The following STX7 variants were observed in gnomAD, a reference collection of about 807,000 sequenced individuals.
STX7 encodes syntaxin 7.
STX7 carries 34 observed loss-of-function variants against 39.6 expected under a neutral mutation model. The observed-to-expected ratio is 0.86, with a 90% CI of 0.65 to 1.14. STX7 has a LOEUF of 1.14. Among genes scored for constraint, STX7 ranks in the 50% most tolerant of loss-of-function variants. The pLI is 0.00. For missense variants in STX7, 284 were observed against 310.4 expected, an observed-to-expected ratio of 0.92 and a Z score of 0.64; for synonymous variants, 119 against 99.1, an observed-to-expected ratio of 1.20 and a Z score of -1.19.
rs1010613172 is a variant in STX7 at position 132,450,950 on chromosome 6, C to G, written c.*9808G>C. On this transcript the variant is annotated 3_prime_UTR_variant, in exon 10 of 10. Transcript: ENST00000367941. ...GAAGACCTCAAATATAATAAACCCCCCAAATCTACAAGATACATCATGGTT... is the reference window on the plus strand; with the variant it reads ...GAAGACCTCAAATATAATAAACCCCGCAAATCTACAAGATACATCATGGTT... 5.3e-5 allele frequency: 8 copies of G among 151,500 alleles called. No individual in the cohort carries two copies. The highest frequency in any genetic ancestry group is 2.0e-4 in the Admixed American group (3 of 15,194). 9.4% of individuals were successfully genotyped at this position (151,500 alleles called of 1,614,324 possible).
rs375342543 is a variant in STX7, at chr6:132,463,950, C to A, written c.693+43G>T. ...CAACACAAACACACACACACACATACGAAAAGGATAAGTTATAAGAAAATT... is the reference window on the plus strand; with the variant it reads ...CAACACAAACACACACACACACATAAGAAAAGGATAAGTTATAAGAAAATT... On this transcript the variant is annotated intron_variant, in intron 9 of 9. Coordinates refer to ENST00000367941, the MANE Select transcript of STX7 (RefSeq NM_003569.3). 11 of 1,581,590 alleles carry A rather than the reference C, an allele frequency of 7.0e-6. No homozygotes were observed. The South Asian group carries it at 1.1e-4, about 16-fold the overall frequency.
chr6:132,509,187 C>T lies in STX7; in HGVS notation c.-59+3820G>A, dbSNP rs541874214. 9.2e-5 allele frequency among the ~76,000 whole-genome samples: 14 copies of T among 152,156 alleles called. No homozygotes were observed. In the South Asian group the frequency reaches 1.7e-3, roughly 18 times the overall value. ...AGAAAAACCAAATTTGGGCTGGGCG[C>T]GGTGGCTCACGCCTGTAATCCCGGA... is the stretch of plus-strand genomic sequence containing the variant. On this transcript the variant is annotated intron_variant, in intron 1 of 9. Coordinates refer to ENST00000367941, the MANE Select transcript of STX7 (RefSeq NM_003569.3).
chr6:132,475,783 A>ACTTTGTTT (rs11274894), intron 2 of STX7, 121 bp from the exon 3 acceptor site: 11 of 526,658 alleles, frequency 2.1e-5, no homozygotes, highest in South Asian at 3.9e-5. Flanking sequence ...AAAGATGAAA[A>ACTTTGTTT]TAGAAAATAT....
At chr6:132,504,515 C>T (rs552801010) in intron 1 of STX7, among the ~76,000 whole-genome samples, 7 of 152,118 alleles carry the variant, frequency 4.6e-5, no homozygotes, top group Non-Finnish European at 8.8e-5. Context: ...TTTCAACTAC[C>T]GCCACCCCAT....
At position 132,455,017 on chromosome 6, in the gene STX7, A is replaced by G. The variant is rs2114328069; in HGVS notation, c.*5741T>C. On this transcript the variant is annotated 3_prime_UTR_variant, in exon 10 of 10. Transcript: ENST00000367941. ...CTCGAAATGAACTCAAAACGACCAC[A>G]GTACCTAGGTTTGAGATAAGAATGA... 6.6e-6 allele frequency: 1 copy of G among 152,318 alleles called. No individual in the cohort carries two copies. The highest frequency in any genetic ancestry group is 2.1e-4 in the South Asian group (1 of 4,828). 9.4% of individuals were successfully genotyped at this position (152,318 alleles called of 1,614,324 possible). A position where few individuals can be genotyped will look rare whatever the true frequency, so the allele number is the denominator to read the frequency against.
intron 2 of STX7, among the ~76,000 whole-genome samples, chr6:132,493,156 T>C (rs1251905877): frequency 6.6e-6 from 1 of 152,110 alleles, no homozygotes; most frequent in Non-Finnish European, 1.5e-5. Flanking sequence ...TAACTTCAAA[T>C]AATGATAATG....
chr6:132,500,958 G>T (rs1775543584), intron 2 of STX7, among the ~76,000 whole-genome samples: 1 of 152,092 alleles, frequency 6.6e-6, no homozygotes, highest in Non-Finnish European at 1.5e-5. Context: ...ATTTGTGGAG[G>T]CCCCTATGTT....
At chr6:132,496,597 T>C (rs935162060) in intron 2 of STX7, among the ~76,000 whole-genome samples, 7 of 152,260 alleles carry the variant, frequency 4.6e-5, no homozygotes, top group South Asian at 4.1e-4. Flanking sequence ...TAACAAAACA[T>C]AGAATAATCT....
rs1774264700 is a variant in STX7, at chr6:132,457,233, GA to G, written c.*3524del. 1 of 152,186 alleles carries G rather than the reference GA, an allele frequency of 6.6e-6. No homozygotes were observed. Among genetic ancestry groups the G allele is most frequent in the South Asian group, 2.1e-4 (1 of 4,830 alleles). 9.4% of individuals were successfully genotyped at this position (152,186 alleles called of 1,614,324 possible). A position where few individuals can be genotyped will look rare whatever the true frequency, so the allele number is the denominator to read the frequency against. ...TCAAGTGGTTTCTGTTTTTCTAACT[GA>G]ATTGTTAAAATATGCAAAATTCACA... is the stretch of plus-strand genomic sequence containing the variant. On this transcript the variant is annotated 3_prime_UTR_variant, in exon 10 of 10. Coordinates refer to ENST00000367941, the MANE Select transcript of STX7 (RefSeq NM_003569.3).
intron 8 of STX7, 117 bp downstream of exon 8, chr6:132,468,286 G>A: frequency 1.3e-6 from 1 of 748,212 alleles, no homozygotes; most frequent in Non-Finnish European, 2.3e-6. Flanking sequence ...CCATGCTTTT[G>A]GTTCCAGGGA....
intron 2 of STX7, among the ~76,000 whole-genome samples, chr6:132,502,696 G>A (rs1240322038): frequency 2.6e-5 from 4 of 151,926 alleles, no homozygotes; most frequent in Admixed American, 2.0e-4. Context: ...TCAGGAGATC[G>A]AGACCATCCT....
intron 3 of STX7, among the ~76,000 whole-genome samples, 197 bp from the exon 4 acceptor site, chr6:132,472,572 C>G (rs2114381785): frequency 6.6e-6 from 1 of 152,286 alleles, no homozygotes; most frequent in South Asian, 2.1e-4. Flanking sequence ...ATGTCAGGTT[C>G]TTCACTCACA....
intron 2 of STX7, among the ~76,000 whole-genome samples, chr6:132,501,456 C>A (rs1775556976): frequency 6.6e-6 from 1 of 152,190 alleles, no homozygotes; most frequent in African/African-American, 2.4e-5. Flanking sequence ...GCACACTTAG[C>A]TACCAACCTG....
chr6:132,482,969 A>G (rs1775047622), intron 2 of STX7, among the ~76,000 whole-genome samples: 2 of 151,732 alleles, frequency 1.3e-5, no homozygotes, highest in African/African-American at 4.9e-5. Context: ...TAAAGGGTTA[A>G]CAAAAAAGAA....
intron 2 of STX7, among the ~76,000 whole-genome samples, chr6:132,502,133 G>C (rs1180389934): frequency 6.6e-6 from 1 of 152,210 alleles, no homozygotes; most frequent in African/African-American, 2.4e-5. Flanking sequence ...ACTGTGCACA[G>C]CAGCACCTTT....
chr6:132,500,011 C>G (rs1775516485), intron 2 of STX7, among the ~76,000 whole-genome samples: 1 of 152,102 alleles, frequency 6.6e-6, no homozygotes, highest in African/African-American at 2.4e-5. Context: ...TACCCACATG[C>G]ATCAGCAAGT....
chr6:132,485,537 T>C (rs750522210), intron 2 of STX7, among the ~76,000 whole-genome samples: 3 of 152,196 alleles, frequency 2.0e-5, no homozygotes, highest in Non-Finnish European at 4.4e-5. Flanking sequence ...TAAATAGAAG[T>C]AGAACGGCTG....
At chr6:132,490,911 C>T (rs1232996690) in intron 2 of STX7, among the ~76,000 whole-genome samples, 1 of 151,778 alleles carries the variant, frequency 6.6e-6, no homozygotes, top group Non-Finnish European at 1.5e-5. Flanking sequence ...GGGAAGCCCT[C>T]CTACACCAGG....
At chr6:132,463,780 C>A (rs1774483308) in intron 9 of STX7, among the ~76,000 whole-genome samples, 2 of 152,174 alleles carry the variant, frequency 1.3e-5, no homozygotes, top group African/African-American at 4.8e-5. Flanking sequence ...TCCCTGTGGG[C>A]CAACAATTCT....
Sources: allele counts gnomAD v4.1 joint callset (sites outside exome capture counted in the v4.1 genomes callset), GRCh38; gene constraint gnomAD v4.1.1; transcripts MANE v1.5; gene names NCBI Gene and HGNC (gene_info 2026-07-23, HGNC 2026-07-21).